The following USH2A variants were observed in gnomAD, a reference collection of about 807,000 sequenced individuals.
The protein encoded by USH2A is Usher syndrome 2A (autosomal recessive, mild).
USH2A carries 443 observed loss-of-function variants against 538.9 expected under a neutral mutation model. That is an observed-to-expected ratio of 0.82 (90% CI 0.76 to 0.89). The LOEUF is 0.89. USH2A is among the 40% of genes least tolerant of loss of function. The probability of loss-of-function intolerance (pLI) is 0.00; values close to 1 mark genes in which losing one functional copy is unlikely to be tolerated. For missense variants in USH2A, 6,633 were observed against 6,324.8 expected (o/e 1.05, Z -1.65); for synonymous variants, 2,413 against 2,273.5 (o/e 1.06, Z -1.75).
At chr1:215,870,812 A>G (rs1246683970) in intron 43 of USH2A, among the ~76,000 whole-genome samples, 2 of 152,082 alleles carry the variant, frequency 1.3e-5, no homozygotes, top group Non-Finnish European at 2.9e-5. Context: ...AAATGGACTT[A>G]CGTGTTGATT....
chr1:215,933,321 T>C (rs955114712), intron 38 of USH2A, among the ~76,000 whole-genome samples: 1 of 151,440 alleles, frequency 6.6e-6, no homozygotes, highest in African/African-American at 2.4e-5. Context: ...GCGGGGGGAG[T>C]TTGTTTTATT....
intron 43 of USH2A, among the ~76,000 whole-genome samples, chr1:215,871,008 A>G (rs547598634): frequency 5.3e-5 from 8 of 152,300 alleles, no homozygotes; most frequent in African/African-American, 1.4e-4. Flanking sequence ...ACTCTGTAGG[A>G]AAAAACTTTT....
intron 19 of USH2A, chr1:216,195,702 T>C (rs1384956219): frequency 2.5e-5 from 4 of 160,708 alleles, no homozygotes; most frequent in Non-Finnish European, 2.9e-5. Context: ...TGGGAGTAGG[T>C]ATAAAGTGTA....
chr1:215,676,254 C>T (rs1192611581), intron 62 of USH2A, among the ~76,000 whole-genome samples: 1 of 152,002 alleles, frequency 6.6e-6, no homozygotes, highest in Non-Finnish European at 1.5e-5. Flanking sequence ...CTCTTCCAGG[C>T]CATGGAAGAA....
intron 11 of USH2A, among the ~76,000 whole-genome samples, chr1:216,285,405 T>C (rs1036507833): frequency 7.2e-5 from 11 of 152,214 alleles, no homozygotes; most frequent in Non-Finnish European, 1.0e-4. Flanking sequence ...AAGACAAGAA[T>C]TGAGGTTTGG....
intron 35 of USH2A, 122 bp downstream of exon 35, chr1:215,992,898 T>C (rs1668035049): frequency 2.0e-6 from 3 of 1,477,270 alleles, no homozygotes; most frequent in Non-Finnish European, 2.8e-6. Context: ...GATACTATCT[T>C]AGGTATTTTA....
intron 11 of USH2A, among the ~76,000 whole-genome samples, chr1:216,276,556 T>C (rs1359701314): frequency 6.6e-6 from 1 of 152,136 alleles, no homozygotes; most frequent in Non-Finnish European, 1.5e-5. Context: ...AGGCTGATTA[T>C]ATTCTGTTCC....
chr1:215,671,564 A>G (rs1222886713), intron 63 of USH2A, among the ~76,000 whole-genome samples: 1 of 152,114 alleles, frequency 6.6e-6, no homozygotes, highest in East Asian at 1.9e-4. Context: ...TTTTTGAACA[A>G]TCAAAATCCC....
At chr1:216,328,214 T>C (rs1036987049) in intron 4 of USH2A, among the ~76,000 whole-genome samples, 3 of 152,134 alleles carry the variant, frequency 2.0e-5, no homozygotes, top group African/African-American at 7.2e-5. Context: ...CATATATCAA[T>C]AGTATCATAG....
chr1:216,355,766 A>T (rs1038283643), intron 4 of USH2A, among the ~76,000 whole-genome samples: 44 of 152,178 alleles, frequency 2.9e-4, no homozygotes, highest in Non-Finnish European at 5.7e-4. Flanking sequence ...TATCTGCTAC[A>T]TAATGAATCT....
chr1:215,786,202 T>C (rs1043874934), intron 52 of USH2A, among the ~76,000 whole-genome samples: 43 of 152,326 alleles, frequency 2.8e-4, no homozygotes, highest in African/African-American at 8.9e-4. Context: ...CTTTTGGAGA[T>C]GACCAGCCAT....
chr1:216,147,213 T>C (rs1397224980), intron 21 of USH2A, among the ~76,000 whole-genome samples: 1 of 151,886 alleles, frequency 6.6e-6, no homozygotes, highest in Non-Finnish European at 1.5e-5. Context: ...GACCTCTCCC[T>C]TCCTCCCCAG....
intron 21 of USH2A, among the ~76,000 whole-genome samples, chr1:216,168,589 G>C (rs1023510206): frequency 2.0e-5 from 3 of 152,012 alleles, no homozygotes; most frequent in Admixed American, 6.6e-5. Flanking sequence ...CCCCCTTCTT[G>C]CCTGGGGACC....
intron 20 of USH2A, among the ~76,000 whole-genome samples, chr1:216,184,771 T>G (rs1311232144): frequency 6.6e-6 from 1 of 151,972 alleles, no homozygotes; most frequent in Non-Finnish European, 1.5e-5. Context: ...CTGGCTCCTA[T>G]TCACAAGGAA....
chr1:215,716,349 A>C (rs865946515), intron 61 of USH2A, among the ~76,000 whole-genome samples: 3 of 152,214 alleles, frequency 2.0e-5, no homozygotes, highest in South Asian at 2.1e-4. Flanking sequence ...CCTGCTTTCT[A>C]TCCCCATTCA....
chr1:216,275,136 C>T (rs1310410828), intron 11 of USH2A, among the ~76,000 whole-genome samples: 1 of 151,938 alleles, frequency 6.6e-6, no homozygotes. Flanking sequence ...GCATTATTCT[C>T]TCTCTCTCTC....
intron 71 of USH2A, among the ~76,000 whole-genome samples, chr1:215,626,506 C>T (rs1571912662): frequency 1.3e-5 from 2 of 152,032 alleles, no homozygotes; most frequent in South Asian, 4.1e-4. Flanking sequence ...TCTTCCCACT[C>T]TTGTGCTGTA....
intron 60 of USH2A, among the ~76,000 whole-genome samples, chr1:215,733,991 G>A (rs1660080753): frequency 6.6e-6 from 1 of 152,212 alleles, no homozygotes; most frequent in African/African-American, 2.4e-5. Flanking sequence ...CGCCCTGATG[G>A]AGACTCTGTA....
At chr1:216,164,716 C>T (rs1355102367) in intron 21 of USH2A, among the ~76,000 whole-genome samples, 2 of 151,888 alleles carry the variant, frequency 1.3e-5, no homozygotes, top group South Asian at 4.2e-4. Flanking sequence ...ATCAGAGTAC[C>T]GTGTAGTAGA....
Sources: allele counts gnomAD v4.1 joint callset (sites outside exome capture counted in the v4.1 genomes callset), GRCh38; gene constraint gnomAD v4.1.1; transcripts MANE v1.5; gene names NCBI Gene and HGNC (gene_info 2026-07-23, HGNC 2026-07-21).